Variants in RNF130 observed in about 807,000 individuals in gnomAD.
The protein encoded by RNF130 is E3 ubiquitin-protein ligase RNF130.
A neutral mutation model predicts 44.6 loss-of-function variants in RNF130; 21 were observed. The ratio of observed to expected loss-of-function variants is 0.47; its 90% confidence interval spans 0.33 to 0.68. The LOEUF (loss-of-function observed/expected upper bound fraction) is 0.68, where lower values mean the gene tolerates loss of function less well. Among genes scored for constraint, RNF130 ranks in the 30% least tolerant of loss-of-function variants. The pLI, the probability that RNF130 is intolerant of heterozygous loss-of-function variation, is 0.02. For synonymous variants in RNF130, 214 were observed against 210.4 expected (o/e 1.02, Z -0.15); for missense variants, 479 against 560.6 (o/e 0.85, Z 1.47).
At chr5:180,034,727 C>T (rs1303397092) in intron 2 of RNF130, among the ~76,000 whole-genome samples, 1 of 152,130 alleles carries the variant, frequency 6.6e-6, no homozygotes, top group African/African-American at 2.4e-5. Flanking sequence ...GGGAGGATTC[C>T]CACCATTACC....
exon 8 of RNF130, chr5:179,913,131 T>C (rs900801096): frequency 3.3e-5 from 5 of 152,272 alleles, no homozygotes; most frequent in Admixed American, 6.5e-5. Flanking sequence ...CACAGGAGAA[T>C]GCACGTGCGC....
Position 180,016,814 on chromosome 5 carries a change from T to C in RNF130, c.443-3503A>G, listed in dbSNP as rs1245103865. 4.6e-5 allele frequency among the ~76,000 whole-genome samples: 7 copies of C among 152,338 alleles called. 2 individuals are homozygous for C. Among genetic ancestry groups the C allele is most frequent in the Admixed American group, 4.6e-4 (7 of 15,312 alleles). ...ATTTGTCAACATTTTGTCCTTTCTA[T>C]ATGTATTTATTTTTGCTGAACCAAT... On this transcript the variant is annotated intron_variant, in intron 2 of 8. Transcript: ENST00000521389.
At chr5:180,056,532 CACT>C (rs1468290548) in intron 1 of RNF130, among the ~76,000 whole-genome samples, 2 of 152,116 alleles carry the variant, frequency 1.3e-5, no homozygotes, top group Non-Finnish European at 2.9e-5. Flanking sequence ...TGGCAAAACA[CACT>C]GGGCAGAGGT....
chr5:180,069,719 T>A (rs1765201595), intron 1 of RNF130, among the ~76,000 whole-genome samples: 1 of 152,166 alleles, frequency 6.6e-6, no homozygotes, highest in Non-Finnish European at 1.5e-5. Context: ...AGAGTTACTT[T>A]TACAGTGTCA....
chr5:179,966,923 C>A lies in RNF130; in HGVS notation c.1033G>T (p.Asp345Tyr). Residue 345 changes from aspartate (D) to tyrosine (Y), a missense_variant, in exon 7 of 9, where the codon GAC (aspartate) becomes TAC (tyrosine). Around this residue, in one of 3 missense-constraint regions of RNF130, gnomAD observed 161 missense variants for 158.6 expected, o/e 1.02. Transcript: ENST00000521389. ...QAVNRRSALGDLAGDNSLGLE... is the reference protein window; with the variant it reads ...QAVNRRSALGYLAGDNSLGLE... ...CCAAGGGAGTTGTCGCCGGCGAGGT[C>A]GCCGAGGGCTGATCTTCGGTTAACA... 6.2e-7 allele frequency: 1 copy of A among 1,614,224 alleles called. No homozygotes were observed. The highest frequency in any genetic ancestry group is 1.1e-5 in the South Asian group (1 of 91,072).
At chr5:180,013,034 C>A in intron 3 of RNF130, 27 bp downstream of exon 3, 1 of 1,595,580 alleles carries the variant, frequency 6.3e-7, no homozygotes, top group Non-Finnish European at 8.5e-7. Context: ...CTGTTACGAA[C>A]CAATCACTGT....
chr5:180,038,823 A>G (rs1439074554), intron 2 of RNF130, among the ~76,000 whole-genome samples: 2 of 152,192 alleles, frequency 1.3e-5, no homozygotes, highest in African/African-American at 2.4e-5. Flanking sequence ...AACAACATTA[A>G]TAAGAAAGAA....
At chr5:179,966,723 C>T (rs754530377) in intron 7 of RNF130, 83 bp downstream of exon 7, 10 of 1,202,896 alleles carry the variant, frequency 8.3e-6, no homozygotes, top group African/African-American at 1.5e-5. Context: ...CAGGCTGAGG[C>T]GAGTGCCTTG....
intron 1 of RNF130, among the ~76,000 whole-genome samples, chr5:180,066,083 C>G (rs537828495): frequency 6.6e-6 from 1 of 152,282 alleles, no homozygotes; most frequent in East Asian, 1.9e-4. Context: ...CACATACACA[C>G]GCCCTCTGAT....
chr5:179,936,459 G>A (rs1460456027), intron 7 of RNF130, among the ~76,000 whole-genome samples: 4 of 152,110 alleles, frequency 2.6e-5, no homozygotes, highest in African/African-American at 7.2e-5. Flanking sequence ...GAACGCCTGA[G>A]CTCAAGCAAT....
At chr5:180,001,099 G>A (rs1763322702) in intron 3 of RNF130, among the ~76,000 whole-genome samples, 1 of 152,176 alleles carries the variant, frequency 6.6e-6, no homozygotes, top group African/African-American at 2.4e-5. Context: ...CTGGATAGGT[G>A]CAGTGGTACA....
chr5:179,955,432 T>C lies in RNF130; in HGVS notation c.*222A>G. ...GCAATCTGGGTCTGCGAGCTTCAAA[T>C]CAGCCCTCAAAACACAGGTCTGGTT... On this transcript the variant is annotated 3_prime_UTR_variant, in exon 9 of 9. Transcript: ENST00000521389. The C allele has an allele frequency of 2.3e-6, 1 of 441,904 alleles. No homozygotes were observed. Among genetic ancestry groups the C allele is most frequent in the Non-Finnish European group, 4.1e-6 (1 of 243,588 alleles). 27.4% of individuals were successfully genotyped at this position (441,904 alleles called of 1,614,324 possible). A position where few individuals can be genotyped will look rare whatever the true frequency, so the allele number is the denominator to read the frequency against.
Position 179,968,035 on chromosome 5 carries a change from C to G in RNF130, c.946-1025G>C, listed in dbSNP as rs997379697. Among the ~76,000 whole-genome samples, 10 of 152,332 alleles carry G rather than the reference C, an allele frequency of 6.6e-5. No homozygotes were observed. The South Asian group carries it at 1.9e-3, about 28-fold the overall frequency. On this transcript the variant is annotated intron_variant, in intron 6 of 8. Coordinates refer to ENST00000521389, the MANE Select transcript of RNF130 (RefSeq NM_018434.6). Reference sequence around the variant, plus strand: ...AACAGGCTGGGCGCGGTGGCTCACGCCTGTAATCCCAGCACTTTGGGAGGC... The same window carrying G: ...AACAGGCTGGGCGCGGTGGCTCACGGCTGTAATCCCAGCACTTTGGGAGGC...
At chr5:180,052,399 GTGGC>G (rs1764707597) in intron 1 of RNF130, among the ~76,000 whole-genome samples, 1 of 152,178 alleles carries the variant, frequency 6.6e-6, no homozygotes, top group African/African-American at 2.4e-5. Flanking sequence ...TGGAAACCAA[GTGGC>G]CATATGGAGA....
At chr5:179,918,471 C>T (rs1019416581) in exon 8 of RNF130, 6 of 152,122 alleles carry the variant, frequency 3.9e-5, no homozygotes, top group Admixed American at 6.6e-5. Flanking sequence ...GGCAATGATC[C>T]GAACTGAGCT....
chr5:179,975,063 C>G (rs1220108608), intron 5 of RNF130, among the ~76,000 whole-genome samples: 1 of 152,244 alleles, frequency 6.6e-6, no homozygotes, highest in Non-Finnish European at 1.5e-5. Flanking sequence ...GGCGGGGAGG[C>G]TCTGTCTTGC....
chr5:179,998,589 G>A (rs1466405361), intron 3 of RNF130, among the ~76,000 whole-genome samples: 1 of 152,014 alleles, frequency 6.6e-6, no homozygotes, highest in Non-Finnish European at 1.5e-5. Context: ...AAGCAAAACT[G>A]TGCCTAGCTG....
downstream of RNF130, among the ~76,000 whole-genome samples, chr5:179,954,431 T>C (rs972865579): frequency 1.3e-5 from 2 of 152,204 alleles, no homozygotes; most frequent in African/African-American, 4.8e-5. Context: ...ACAACATGTA[T>C]GAACCGTGAA....
intron 7 of RNF130, among the ~76,000 whole-genome samples, chr5:179,936,905 A>T (rs1199287285): frequency 6.6e-6 from 1 of 152,212 alleles, no homozygotes. Flanking sequence ...GGATATCCAC[A>T]TGCAAAAAAA....
Sources: allele counts gnomAD v4.1 joint callset (sites outside exome capture counted in the v4.1 genomes callset), GRCh38; gene constraint gnomAD v4.1.1; regional missense constraint gnomAD v4.1.1; transcripts MANE v1.5; gene names NCBI Gene and HGNC (gene_info 2026-07-23, HGNC 2026-07-21).